Variants in DNAH14 observed in about 807,000 individuals in gnomAD.
DNAH14 encodes the protein dynein axonemal heavy chain 14, also known as axonemal beta dynein heavy chain 14.
In DNAH14, 478 loss-of-function variants were observed where a neutral mutation model predicts 520.9. The observed-to-expected ratio is 0.92, with a 90% confidence interval of 0.85 to 0.99. The LOEUF is 0.99. Ranked by LOEUF, DNAH14 falls within the 50% of genes least tolerant of loss-of-function variation. The probability of loss-of-function intolerance (pLI) is 0.00; values close to 1 mark genes in which losing one functional copy is unlikely to be tolerated. For synonymous variants in DNAH14, 1,581 were observed against 1,757.2 expected (o/e 0.90, Z 2.51); for missense variants, 4,831 against 5,234.5 (o/e 0.92, Z 2.38).
intron 1 of DNAH14, among the ~76,000 whole-genome samples, chr1:224,936,934 G>T (rs2059081190): frequency 6.6e-6 from 1 of 151,820 alleles, no homozygotes; most frequent in Non-Finnish European, 1.5e-5. Flanking sequence ...CAGTGAATGT[G>T]ATACATCACA....
intron 60 of DNAH14, 93 bp downstream of exon 60, chr1:225,308,503 A>C: frequency 8.0e-7 from 1 of 1,257,038 alleles, no homozygotes; most frequent in Non-Finnish European, 1.1e-6. Flanking sequence ...ACTAGTCTTA[A>C]ATACATAGTG....
intron 53 of DNAH14, among the ~76,000 whole-genome samples, 184 bp from the exon 54 acceptor site, chr1:225,277,226 T>C (rs1472923102): frequency 2.0e-5 from 3 of 151,924 alleles, no homozygotes; most frequent in Admixed American, 6.6e-5. Context: ...AACATTAGCA[T>C]AGGGACAATC....
rs1320955006 is a variant in DNAH14, at chr1:225,144,526, A to T, written c.4638A>T (p.Arg1546=). Residue 1546 remains arginine (R), a synonymous_variant, in exon 29 of 86, where the codon CGA becomes CGT. Coordinates refer to ENST00000682510, the MANE Select transcript of DNAH14 (RefSeq NM_001367479.1). ...SRLVITPLTD[R]CWLTLMEALH... ...TGGTTATTACGCCTCTCACAGACCG[A>T]TGCTGGCTGACTCTCATGGAAGCAC... 3 of 1,551,386 alleles carry T rather than the reference A, an allele frequency of 1.9e-6. No individual in the cohort carries two copies. In the African/African-American group the frequency reaches 4.1e-5, roughly 21 times the overall value.
At chr1:225,310,021 T>C (rs1259209267) in intron 60 of DNAH14, among the ~76,000 whole-genome samples, 1 of 150,366 alleles carries the variant, frequency 6.7e-6, no homozygotes, top group Non-Finnish European at 1.5e-5. Flanking sequence ...AAACTTAAAG[T>C]ATAATAATAA....
intron 49 of DNAH14, among the ~76,000 whole-genome samples, chr1:225,269,012 C>A (rs2093222267): frequency 6.6e-6 from 1 of 152,232 alleles, no homozygotes. Context: ...AAAGAGCCTG[C>A]ATTGCCAAGA....
chr1:225,168,619 G>A (rs925885121), intron 36 of DNAH14, among the ~76,000 whole-genome samples: 3 of 152,230 alleles, frequency 2.0e-5, no homozygotes, highest in African/African-American at 4.8e-5. Flanking sequence ...GCCTGCTATT[G>A]CTGAGGCTTG....
chr1:225,012,969 C>CA (rs2064915908), intron 10 of DNAH14, among the ~76,000 whole-genome samples: 1 of 152,162 alleles, frequency 6.6e-6, no homozygotes, highest in Non-Finnish European at 1.5e-5. Flanking sequence ...TCTGTCAGTT[C>CA]ATCAAACTCA....
chr1:225,172,736 CT>C (rs1487664324), intron 36 of DNAH14, among the ~76,000 whole-genome samples: 1 of 152,192 alleles, frequency 6.6e-6, no homozygotes, highest in Non-Finnish European at 1.5e-5. Context: ...CTACCAGTGA[CT>C]TTCTTCACAG....
rs115149381 is a variant in DNAH14 at position 225,164,149 on chromosome 1, A to T, written c.5446-3790A>T. 5.0e-3 allele frequency among the ~76,000 whole-genome samples: 760 copies of T among 152,206 alleles called. 6 individuals are homozygous for T. Among genetic ancestry groups the T allele is most frequent in the African/African-American group, 0.017 (717 of 41,546 alleles). On this transcript the variant is annotated intron_variant, in intron 35 of 85. Transcript: ENST00000682510. ...TTAAGATTTTAACTAAATCACTGAG[A>T]TAGCTATTTCTTCTGCACATCTGTC...
At chr1:225,029,049 A>G (rs2066343459) in intron 11 of DNAH14, among the ~76,000 whole-genome samples, 1 of 152,106 alleles carries the variant, frequency 6.6e-6, no homozygotes, top group African/African-American at 2.4e-5. Context: ...GAAATAATTT[A>G]AATATCTATA....
At chr1:225,123,295 A>G (rs1341267530) in intron 26 of DNAH14, among the ~76,000 whole-genome samples, 1 of 152,128 alleles carries the variant, frequency 6.6e-6, no homozygotes, top group African/African-American at 2.4e-5. Flanking sequence ...CATCTCAGAA[A>G]CTCAATGGCC....
At chr1:225,012,069 G>A (rs1345277109) in intron 10 of DNAH14, among the ~76,000 whole-genome samples, 1 of 152,106 alleles carries the variant, frequency 6.6e-6, no homozygotes. Flanking sequence ...AATTTGGCAT[G>A]TTTTTGCAGT....
At chr1:225,142,430 CCGTT>C (rs1358221350) in intron 28 of DNAH14, among the ~76,000 whole-genome samples, 6 of 152,154 alleles carry the variant, frequency 3.9e-5, no homozygotes, top group African/African-American at 1.4e-4. Flanking sequence ...CAAAATAGTT[CCGTT>C]TTAACATCAG....
chr1:225,231,762 G>T (rs1160174205), intron 42 of DNAH14, among the ~76,000 whole-genome samples: 6 of 151,992 alleles, frequency 3.9e-5, no homozygotes. Context: ...CTTGATTATG[G>T]CATTCTAACC....
intron 27 of DNAH14, among the ~76,000 whole-genome samples, chr1:225,124,724 G>A (rs2077559797): frequency 6.6e-6 from 1 of 152,052 alleles, no homozygotes; most frequent in Non-Finnish European, 1.5e-5. Context: ...TCCCATTAAT[G>A]TGGCTATTTT....
At chr1:225,016,492 T>G (rs1388680167) in intron 10 of DNAH14, among the ~76,000 whole-genome samples, 1 of 152,220 alleles carries the variant, frequency 6.6e-6, no homozygotes, top group Non-Finnish European at 1.5e-5. Flanking sequence ...TCTCTTTGAC[T>G]TTGTCAATTT....
chr1:225,381,507 G>A lies in DNAH14; in HGVS notation c.13005G>A (p.Glu4335=). 1.3e-6 allele frequency: 2 copies of A among 1,549,728 alleles called. No individual in the cohort carries two copies. The highest frequency in any genetic ancestry group is 2.0e-5 in the Admixed American group (1 of 50,504). ...ATCTTCAGCTTGCTATAAAAGGAGA[G>A]ATCATCCTCACCCAAGAATTGGAGG... The part of the protein sequence containing the change: ...LKDLQLAIKG[E]IILTQELEEI... Residue 4335 remains glutamate, a synonymous_variant, in exon 81 of 86, where the codon GAG becomes GAA. Transcript: ENST00000682510.
Position 225,145,346 on chromosome 1 carries a change from G to A in DNAH14, c.4761G>A (p.Val1587=). ...CCCAGTCCTTAGGCAAACATTGTGT[G>A]GTCTTCAACTGTTTTGAGGATTTGG... ...DLAKSLGKHC[V]VFNCFEDLDY... Residue 1587 remains valine, a synonymous_variant, in exon 30 of 86, where the codon GTG becomes GTA. Transcript: ENST00000682510. 6.5e-7 allele frequency: 1 copy of A among 1,546,108 alleles called. No individual in the cohort carries two copies. The highest frequency in any genetic ancestry group is 8.7e-7 in the Non-Finnish European group (1 of 1,144,626).
chr1:225,384,965 T>C (rs1422620639), intron 81 of DNAH14, among the ~76,000 whole-genome samples: 1 of 152,196 alleles, frequency 6.6e-6, no homozygotes, highest in Non-Finnish European at 1.5e-5. Flanking sequence ...TGAACATAGA[T>C]GCAAAAATCC....
Sources: allele counts gnomAD v4.1 joint callset (sites outside exome capture counted in the v4.1 genomes callset), GRCh38; gene constraint gnomAD v4.1.1; transcripts MANE v1.5; gene names NCBI Gene and HGNC (gene_info 2026-07-23, HGNC 2026-07-21).